Variants in VTI1A observed in about 807,000 individuals in gnomAD.
VTI1A encodes vesicle transport through interaction with t-SNAREs homolog 1A.
Under a neutral mutation model 34.9 loss-of-function variants are expected in VTI1A, and 22 were observed. The observed-to-expected ratio is 0.63, with a 90% CI of 0.45 to 0.90. The LOEUF (loss-of-function observed/expected upper bound fraction) is 0.90. Among genes scored for constraint, VTI1A ranks in the 40% least tolerant of loss-of-function variants. The pLI is 0.00. For missense variants in VTI1A, 268 were observed against 275.6 expected (o/e 0.97, Z 0.20); for synonymous variants, 87 against 97.3 (o/e 0.89, Z 0.62).
intron 7 of VTI1A, among the ~76,000 whole-genome samples, chr10:112,764,441 A>G (rs752242002): frequency 1.3e-5 from 2 of 152,156 alleles, no homozygotes; most frequent in Non-Finnish European, 2.9e-5. Flanking sequence ...CTTCCTAGTT[A>G]TATTTTGCTT....
intron 5 of VTI1A, among the ~76,000 whole-genome samples, chr10:112,664,479 A>T (rs542591037): frequency 6.6e-6 from 1 of 152,282 alleles, no homozygotes; most frequent in South Asian, 2.1e-4. Flanking sequence ...GAGAGACATG[A>T]TGCTTTCAGT....
the VTI1A span, among the ~76,000 whole-genome samples, chr10:112,840,741 A>G: frequency 8.6e-3 from 1,305 of 152,274 alleles, 19 homozygotes; most frequent in African/African-American, 0.03. Flanking sequence ...AAGTGAGCCT[A>G]ATAAAATTCT....
At chr10:112,482,312 T>A (rs905021855) in intron 3 of VTI1A, among the ~76,000 whole-genome samples, 4 of 152,196 alleles carry the variant, frequency 2.6e-5, no homozygotes, top group African/African-American at 4.8e-5. Flanking sequence ...GTTTTCATCA[T>A]ATAAATTTAC....
chr10:112,496,570 C>CA lies in VTI1A; in HGVS notation c.265-30505dup, dbSNP rs111328214. Among the ~76,000 whole-genome samples, 1,047 of 139,668 alleles carry CA rather than the reference C, an allele frequency of 7.5e-3. 16 individuals carry two copies. The highest frequency in any genetic ancestry group is 0.024 in the African/African-American group (936 of 38,228). The allele number at this position is 139,668 out of a possible 152,430, so 91.6% of individuals were successfully genotyped here. A position where few individuals can be genotyped will look rare whatever the true frequency, so the allele number is the denominator to read the frequency against. ...TGGGCAACAGAGCAAGACTCCATCT[C>CA]AAAAAAAAAAAATTATACATGAAGA... On this transcript the variant is annotated intron_variant, in intron 3 of 7. Transcript: ENST00000393077.
intron 7 of VTI1A, among the ~76,000 whole-genome samples, chr10:112,744,459 C>CT (rs11400561): frequency 0.27 from 33,834 of 125,830 alleles, 5,193 homozygotes; most frequent in East Asian, 0.47. Flanking sequence ...CTTCTTCTTC[C>CT]TTTTTTTTTT....
intron 5 of VTI1A, among the ~76,000 whole-genome samples, chr10:112,598,308 T>C (rs1844746919): frequency 2.0e-5 from 3 of 152,188 alleles, no homozygotes; most frequent in Non-Finnish European, 2.9e-5. Context: ...ATGCAGGTAG[T>C]TTATGTACCA....
rs1282466861 is a variant in VTI1A at position 112,815,576 on chromosome 10, T to C, written c.*193T>C. ...GTTTGCATGTGGGTTGGTTTCCTTT[T>C]CGAGGTTTGTCTTCACCCAGATTCG... is the stretch of plus-strand genomic sequence containing the variant. On this transcript the variant is annotated 3_prime_UTR_variant, in exon 8 of 8. Coordinates refer to ENST00000393077, the MANE Select transcript of VTI1A (RefSeq NM_145206.4). 1.4e-5 allele frequency: 8 copies of C among 579,638 alleles called. No homozygotes were observed. The Admixed American group carries it at 2.4e-4, about 17-fold the overall frequency. 35.9% of individuals were successfully genotyped at this position (579,638 alleles called of 1,614,324 possible).
chr10:112,467,047 G>A (rs1224366949), intron 3 of VTI1A, among the ~76,000 whole-genome samples: 1 of 152,114 alleles, frequency 6.6e-6, no homozygotes, highest in African/African-American at 2.4e-5. Flanking sequence ...CCTATCTCTG[G>A]ACAGTCACAT....
chr10:112,708,586 T>C (rs1313572447), intron 7 of VTI1A, among the ~76,000 whole-genome samples: 1 of 151,964 alleles, frequency 6.6e-6, no homozygotes, highest in Non-Finnish European at 1.5e-5. Flanking sequence ...ATTAGAGATA[T>C]TTGTAAAGGA....
At chr10:112,627,543 A>C (rs1347511308) in intron 5 of VTI1A, among the ~76,000 whole-genome samples, 1 of 152,154 alleles carries the variant, frequency 6.6e-6, no homozygotes, top group Non-Finnish European at 1.5e-5. Flanking sequence ...CTCAAATATA[A>C]CCACTATTCA....
chr10:112,683,851 T>C (rs1290015124), intron 7 of VTI1A, among the ~76,000 whole-genome samples: 1 of 152,194 alleles, frequency 6.6e-6, no homozygotes, highest in African/African-American at 2.4e-5. Flanking sequence ...GAGACCAGCC[T>C]GGCCAACATG....
chr10:112,551,778 A>G (rs1438609276), intron 5 of VTI1A, among the ~76,000 whole-genome samples: 2 of 152,140 alleles, frequency 1.3e-5, no homozygotes, highest in Non-Finnish European at 2.9e-5. Context: ...TGGAATACAT[A>G]AGGAGAGGAG....
At chr10:112,711,357 A>C (rs1034298481) in intron 7 of VTI1A, among the ~76,000 whole-genome samples, 6 of 152,206 alleles carry the variant, frequency 3.9e-5, no homozygotes, top group African/African-American at 4.8e-5. Context: ...TTCTACTGTT[A>C]AGGTTCAGGG....
chr10:112,783,403 A>G (rs1025327925), intron 7 of VTI1A, among the ~76,000 whole-genome samples: 3 of 149,218 alleles, frequency 2.0e-5, no homozygotes, highest in Admixed American at 6.6e-5. Context: ...GTGCACGTGC[A>G]CACACACACA....
intron 5 of VTI1A, among the ~76,000 whole-genome samples, chr10:112,667,966 C>T (rs1366885311): frequency 6.6e-6 from 1 of 152,082 alleles, no homozygotes; most frequent in Non-Finnish European, 1.5e-5. Context: ...GTGGCCTGGA[C>T]AAGACATCAT....
intron 3 of VTI1A, among the ~76,000 whole-genome samples, chr10:112,476,552 A>G (rs1419530899): frequency 6.6e-6 from 1 of 152,206 alleles, no homozygotes; most frequent in African/African-American, 2.4e-5. Flanking sequence ...GCTGAAGGGA[A>G]CAGAGGCCTT....
chr10:112,830,849 A>ATTTTTTTTTTTTTTTTTTTTTTT, the VTI1A span, among the ~76,000 whole-genome samples: 1 of 33,512 alleles, frequency 3.0e-5, no homozygotes, highest in African/African-American at 1.4e-4. Flanking sequence ...ATATATATAT[A>ATTTTTTTTTTTTTTTTTTTTTTT]TTTTTTTTTT....
chr10:112,504,384 C>T (rs1849351788), intron 3 of VTI1A, among the ~76,000 whole-genome samples: 1 of 152,084 alleles, frequency 6.6e-6, no homozygotes, highest in Non-Finnish European at 1.5e-5. Flanking sequence ...CTTTAAACAA[C>T]AACAAAATGG....
intron 7 of VTI1A, among the ~76,000 whole-genome samples, chr10:112,695,946 G>T (rs1368704990): frequency 6.6e-6 from 1 of 152,130 alleles, no homozygotes; most frequent in African/African-American, 2.4e-5. Flanking sequence ...TGTAAGATTT[G>T]CTAAGCACCT....
Sources: allele counts gnomAD v4.1 joint callset (sites outside exome capture counted in the v4.1 genomes callset), GRCh38; gene constraint gnomAD v4.1.1; transcripts MANE v1.5; gene names NCBI Gene and HGNC (gene_info 2026-07-23, HGNC 2026-07-21).